Variants in RSPO1 observed in about 807,000 individuals in gnomAD.
RSPO1 encodes R-spondin 1.
In RSPO1, 18 loss-of-function variants were observed where a neutral mutation model predicts 26.0. The ratio of observed to expected loss-of-function variants is 0.69; its 90% CI spans 0.48 to 1.03. RSPO1 has a LOEUF of 1.03. Ranked by LOEUF, RSPO1 falls within the 50% of genes least tolerant of loss-of-function variation. RSPO1 has a pLI of 0.00. For synonymous variants in RSPO1, 133 were observed against 137.4 expected (o/e 0.97, Z 0.22); for missense variants, 309 against 352.3 (o/e 0.88, Z 0.98).
At position 37,612,622 on chromosome 1, in the gene RSPO1, G is replaced by T. The variant is rs1570091352; in HGVS notation, c.*133C>A. 2.2e-6 allele frequency: 2 copies of T among 927,218 alleles called. No individual in the cohort carries two copies. Among genetic ancestry groups the T allele is most frequent in the East Asian group, 2.4e-5 (1 of 41,440 alleles). The allele number at this position is 927,218 out of a possible 1,614,324, so 57.4% of individuals were successfully genotyped here. ...ACAGGGGTTTGAGCGTGTGTGTCTTGTGTCTATGTATGCATGGATGGATTG... is the reference window on the plus strand; with the variant it reads ...ACAGGGGTTTGAGCGTGTGTGTCTTTTGTCTATGTATGCATGGATGGATTG... On this transcript the variant is annotated 3_prime_UTR_variant, in exon 7 of 7. Coordinates refer to ENST00000356545, the MANE Select transcript of RSPO1 (RefSeq NM_001242908.2).
chr1:37,621,402 C>T (rs750813289), intron 3 of RSPO1, among the ~76,000 whole-genome samples: 9 of 152,058 alleles, frequency 5.9e-5, no homozygotes, highest in Non-Finnish European at 1.2e-4. Flanking sequence ...AGGAAGACTC[C>T]CAGGCTAGAA....
Position 37,616,622 on chromosome 1 carries a change from C to T in RSPO1, c.148G>A (p.Val50Ile). Residue 50 changes from valine (V) to isoleucine (I), a missense_variant, in exon 4 of 7, where the codon GTC becomes ATC. By Grantham distance (29) the Val-to-Ile change is conservative. Transcript: ENST00000356545. ...GGTGAGCACTTGAGGCAGCCGTTGA[C>T]TTCAGAGCAGAGCTCACAGCCTTTG... ...CAKGCELCSEVNGCLKCSPKL... is the reference protein window; with the variant it reads ...CAKGCELCSEINGCLKCSPKL... The T allele has an allele frequency of 6.2e-7, 1 of 1,614,180 alleles. No individual in the cohort carries two copies. Among genetic ancestry groups the T allele is most frequent in the African/African-American group, 1.3e-5 (1 of 75,080 alleles).
intron 3 of RSPO1, among the ~76,000 whole-genome samples, chr1:37,620,145 T>C (rs1325475022): frequency 6.6e-6 from 1 of 152,188 alleles, no homozygotes; most frequent in Non-Finnish European, 1.5e-5. Flanking sequence ...AGACAAAGTA[T>C]AGGGAGCCCA....
chr1:37,615,699 C>T (rs777760585), intron 4 of RSPO1, among the ~76,000 whole-genome samples: 14 of 152,212 alleles, frequency 9.2e-5, no homozygotes, highest in African/African-American at 9.7e-5. Context: ...TGTGTTCACA[C>T]GTGTCCCCCA....
chr1:37,612,906 TTCC>T lies in RSPO1; in HGVS notation c.638_640del (p.Arg213del). ...ATTCTCCCGCCGGCCCTGGCCTCCC[TTCC>T]TCCTCTTCTGCCCTGAAACAACCAA... is the stretch of plus-strand genomic sequence containing the variant. On this transcript the variant is annotated inframe_deletion, in exon 7 of 7. Coordinates refer to ENST00000356545, the MANE Select transcript of RSPO1 (RefSeq NM_001242908.2). The T allele has an allele frequency of 6.2e-7, 1 of 1,614,080 alleles. No individual in the cohort carries two copies. Among genetic ancestry groups the T allele is most frequent in the Non-Finnish European group, 8.5e-7 (1 of 1,180,018 alleles).
chr1:37,616,482 A>G lies in RSPO1; in HGVS notation c.286+2T>C. ...GCCCCCGACAGCCCTGCCCACACTC[A>G]CTGATGCACTTGTTCATGTCGGGGT... is the stretch of plus-strand genomic sequence containing the variant. On this transcript the variant is annotated splice_donor_variant, in intron 4 of 6. Transcript: ENST00000356545. LOFTEE classifies it high-confidence loss of function. 1 of 1,613,970 alleles carries G rather than the reference A, an allele frequency of 6.2e-7. No individual in the cohort carries two copies. The highest frequency in any genetic ancestry group is 8.5e-7 in the Non-Finnish European group (1 of 1,179,940).
At chr1:37,622,625 G>T (rs1644219491) in intron 3 of RSPO1, among the ~76,000 whole-genome samples, 1 of 152,208 alleles carries the variant, frequency 6.6e-6, no homozygotes. Flanking sequence ...GGAAAGAAGT[G>T]GAGAAGGATC....
At chr1:37,620,652 A>ATAATAG (rs1221261582) in intron 3 of RSPO1, among the ~76,000 whole-genome samples, 2 of 147,356 alleles carry the variant, frequency 1.4e-5, no homozygotes, top group African/African-American at 4.9e-5. Flanking sequence ...AATAATAATA[A>ATAATAG]TAATAATATA....
intron 3 of RSPO1, among the ~76,000 whole-genome samples, chr1:37,628,767 A>G (rs1309696076): frequency 6.6e-6 from 1 of 152,234 alleles, no homozygotes; most frequent in Non-Finnish European, 1.5e-5. Context: ...GACTGGGCCC[A>G]CAGGCATTGG....
Position 37,612,781 on chromosome 1 carries a change from GC to G in RSPO1, c.765del (p.Pro256HisfsTer95). The G allele has an allele frequency of 6.2e-7, 1 of 1,611,972 alleles. No homozygotes were observed. ...QQQQQQQGTV[G>X]PLTSAGPA ...TAGGCAGGCCCTGCAGATGTGAGTG[GC>G]CCCACTGTCCCTTGCTGCTGCTGCT... On this transcript the variant is annotated frameshift_variant, in exon 7 of 7. Transcript: ENST00000356545. LOFTEE classifies it high-confidence loss of function.
chr1:37,616,787 A>AT, intron 3 of RSPO1, 112 bp from the exon 4 acceptor site: 3 of 1,046,284 alleles, frequency 2.9e-6, no homozygotes, highest in Non-Finnish European at 4.4e-6. Flanking sequence ...CAGAAGGAAT[A>AT]TGCTTCTCAG....
intron 2 of RSPO1, chr1:37,631,778 G>A (rs1418995028): frequency 6.6e-6 from 1 of 152,208 alleles, no homozygotes; most frequent in East Asian, 1.9e-4. Flanking sequence ...GCTTCACTTT[G>A]TGTCTACATT....
At position 37,614,306 on chromosome 1, in the gene RSPO1, C is replaced by G; in HGVS notation, c.314G>C (p.Cys105Ser). The change falls in exon 5 of 7, where the codon TGC becomes TCC. Residue 105 changes from cysteine to serine, a missense_variant. Transcript: ENST00000356545. Reference sequence around the variant, plus strand: ...CTTGGTGCAGAAGTTATGGCTGAAGCAGGCCTCACAGTGCTCGATCTTGCA... The same window carrying G: ...CTTGGTGCAGAAGTTATGGCTGAAGGAGGCCTCACAGTGCTCGATCTTGCA... The part of the protein sequence containing the change: ...IKCKIEHCEA[C>S]FSHNFCTKCK... 1.2e-6 allele frequency: 2 copies of G among 1,613,818 alleles called. No individual in the cohort carries two copies. Among genetic ancestry groups the G allele is most frequent in the Non-Finnish European group, 1.7e-6 (2 of 1,180,030 alleles).
intron 3 of RSPO1, among the ~76,000 whole-genome samples, chr1:37,628,943 A>G (rs146682383): frequency 6.9e-4 from 105 of 152,286 alleles, no homozygotes; most frequent in African/African-American, 2.4e-3. Context: ...GAAAAGTGAG[A>G]CTGCTCTGGT....
intron 3 of RSPO1, among the ~76,000 whole-genome samples, chr1:37,627,580 G>A (rs140699466): frequency 3.9e-5 from 6 of 152,048 alleles, no homozygotes; most frequent in Non-Finnish European, 7.3e-5. Context: ...AACCCGGGAG[G>A]CGGAGGTTGC....
rs570748439 is a variant in RSPO1 at position 37,612,574 on chromosome 1, AGTAT to A, written c.*177_*180del. ...GTGTGTACATGAACACACATGTGCA[AGTAT>A]GTATGGTTGTATATGTGGACAGGGG... On this transcript the variant is annotated 3_prime_UTR_variant, in exon 7 of 7. Transcript: ENST00000356545. 9.3e-5 allele frequency: 64 copies of A among 687,664 alleles called. No homozygotes were observed. The highest frequency in any genetic ancestry group is 3.9e-4 in the Admixed American group (19 of 49,116). 42.6% of individuals were successfully genotyped at this position (687,664 alleles called of 1,614,324 possible).
intron 2 of RSPO1, among the ~76,000 whole-genome samples, chr1:37,631,592 T>C (rs1483607503): frequency 6.6e-6 from 1 of 152,264 alleles, no homozygotes; most frequent in Admixed American, 6.5e-5. Flanking sequence ...ATTTGAATAT[T>C]GGTTCTGCTA....
At chr1:37,618,580 G>A (rs181800237) in intron 3 of RSPO1, among the ~76,000 whole-genome samples, 3 of 152,286 alleles carry the variant, frequency 2.0e-5, no homozygotes, top group Admixed American at 6.5e-5. Context: ...GGTGAGAAAA[G>A]TGAGAAAGTC....
intron 3 of RSPO1, 146 bp from the exon 4 acceptor site, chr1:37,616,821 T>G: frequency 1.3e-6 from 1 of 787,686 alleles, no homozygotes; most frequent in South Asian, 1.5e-5. Flanking sequence ...GGCTGGCAGC[T>G]CTCTGCAAGG....
Sources: gnomAD v4.1 joint callset for allele counts (sites outside exome capture counted in the v4.1 genomes callset) on GRCh38, gnomAD v4.1.1 for gene constraint, MANE v1.5 for transcripts, NCBI Gene and HGNC (gene_info 2026-07-23, HGNC 2026-07-21) for gene names.